Variants in XRCC5 observed in about 807,000 individuals in gnomAD.
XRCC5 encodes the protein X-ray repair cross complementing 5.
XRCC5 carries 12 observed loss-of-function variants against 95.7 expected under a neutral mutation model. The observed-to-expected ratio is 0.13, with a 90% CI of 0.08 to 0.20. The LOEUF is 0.20. Ranked by LOEUF, XRCC5 falls within the 10% of genes least tolerant of loss-of-function variation. The probability of loss-of-function intolerance (pLI) is 1.00; values close to 1 mark genes in which losing one functional copy is unlikely to be tolerated. For synonymous variants in XRCC5, 281 were observed against 290.3 expected, an observed-to-expected ratio of 0.97 and a Z score of 0.33; for missense variants, 595 against 873.9, an observed-to-expected ratio of 0.68 and a Z score of 4.02.
intron 17 of XRCC5, among the ~76,000 whole-genome samples, chr2:216,190,717 T>G (rs1248962271): frequency 6.6e-6 from 1 of 152,174 alleles, no homozygotes; most frequent in Non-Finnish European, 1.5e-5. Context: ...GTATAATTAT[T>G]GAGAAAGATT....
chr2:216,154,964 TAAAA>T (rs964591009), intron 14 of XRCC5, among the ~76,000 whole-genome samples: 13 of 151,338 alleles, frequency 8.6e-5, no homozygotes, highest in Admixed American at 3.3e-4. Context: ...ATGAACTTAT[TAAAA>T]AAAACCATTT....
chr2:216,204,546 C>T (rs1689905836), intron 20 of XRCC5, 150 bp downstream of exon 20: 6 of 752,892 alleles, frequency 8.0e-6, no homozygotes, highest in Non-Finnish European at 1.3e-5. Context: ...TATATATTGC[C>T]ATTATAAATT....
chr2:216,140,639 A>C (rs915067535), intron 12 of XRCC5, among the ~76,000 whole-genome samples: 46 of 152,278 alleles, frequency 3.0e-4, no homozygotes, highest in African/African-American at 1.1e-3. Flanking sequence ...TGGAGGCATT[A>C]AGAGAGGAGA....
Position 216,114,509 on chromosome 2 carries a change from A to G in XRCC5, c.135+1380A>G, listed in dbSNP as rs535286554. Among the ~76,000 whole-genome samples the G allele has an allele frequency of 2.0e-3, 303 of 152,158 alleles. 3 individuals are homozygous for G. The highest frequency in any genetic ancestry group is 3.0e-3 in the Non-Finnish European group (201 of 67,992). On this transcript the variant is annotated intron_variant, in intron 2 of 20. Coordinates refer to ENST00000392132, the MANE Select transcript of XRCC5 (RefSeq NM_021141.4). The stretch of plus-strand genomic sequence containing the variant: ...GAAGGTAAGTAGACATGAGCAGGGC[A>G]GGAGAGAGGGCCCCCGAGAATGTTG...
At chr2:216,150,919 A>G (rs1292708776) in intron 14 of XRCC5, among the ~76,000 whole-genome samples, 3 of 152,058 alleles carry the variant, frequency 2.0e-5, no homozygotes, top group Admixed American at 6.6e-5. Context: ...AGAAAACGTA[A>G]TGCTTTGCGC....
intron 19 of XRCC5, among the ~76,000 whole-genome samples, chr2:216,196,480 A>G (rs1574435749): frequency 6.6e-6 from 1 of 152,346 alleles, no homozygotes; most frequent in South Asian, 2.1e-4. Context: ...CCAGAGAAAC[A>G]GAACCAAGAG....
intron 2 of XRCC5, among the ~76,000 whole-genome samples, chr2:216,113,677 C>T (rs2105998540): frequency 6.6e-6 from 1 of 152,326 alleles, no homozygotes; most frequent in Non-Finnish European, 1.5e-5. Context: ...AAAGGCTCAA[C>T]TGGACCAGAT....
intron 8 of XRCC5, among the ~76,000 whole-genome samples, chr2:216,128,972 A>G (rs759734965): frequency 7.2e-5 from 11 of 152,216 alleles, no homozygotes; most frequent in Non-Finnish European, 1.6e-4. Flanking sequence ...ATTTGGACTG[A>G]GTAATGAAGG....
intron 5 of XRCC5, 120 bp from the exon 6 acceptor site, chr2:216,121,942 T>C: frequency 1.1e-6 from 1 of 876,186 alleles, no homozygotes; most frequent in Non-Finnish European, 1.7e-6. Context: ...TAGGTAAGAG[T>C]CGTTTGACAG....
chr2:216,172,464 C>CTT (rs1689183461), intron 16 of XRCC5, among the ~76,000 whole-genome samples: 3 of 70,340 alleles, frequency 4.3e-5, no homozygotes, highest in Admixed American at 1.1e-4. Flanking sequence ...ATCAGCTTTT[C>CTT]TTTTCTTTTT....
At chr2:216,142,809 T>G (rs1432114996) in intron 13 of XRCC5, among the ~76,000 whole-genome samples, 1 of 152,200 alleles carries the variant, frequency 6.6e-6, no homozygotes, top group African/African-American at 2.4e-5. Context: ...ACTGCCTGTT[T>G]TTTTGATGCT....
chr2:216,162,175 G>GT, intron 16 of XRCC5, 127 bp downstream of exon 16: 1 of 871,520 alleles, frequency 1.1e-6, no homozygotes. Context: ...GATCTTTGTG[G>GT]TTTTCCCTTG....
intron 15 of XRCC5, among the ~76,000 whole-genome samples, chr2:216,161,219 C>G (rs1688945984): frequency 6.6e-6 from 1 of 152,126 alleles, no homozygotes; most frequent in Non-Finnish European, 1.5e-5. Flanking sequence ...TGATCTTGTT[C>G]TGAGAGCTTT....
intron 8 of XRCC5, among the ~76,000 whole-genome samples, chr2:216,128,498 A>G (rs1696930655): frequency 6.6e-6 from 1 of 152,214 alleles, no homozygotes; most frequent in Non-Finnish European, 1.5e-5. Flanking sequence ...GTAGAATATA[A>G]TTAATACCCT....
chr2:216,172,469 C>CTT lies in XRCC5; in HGVS notation c.1834+10437_1834+10438dup, dbSNP rs746493174. On this transcript the variant is annotated intron_variant, in intron 16 of 20. Transcript: ENST00000392132. ...AAACTTTAGCATCAGCTTTTCTTTTCTTTTTTTTTTTTTTTTTGAGACAAA... is the reference window on the plus strand; with the variant it reads ...AAACTTTAGCATCAGCTTTTCTTTTCTTTTTTTTTTTTTTTTTTTGAGACAAA... Among the ~76,000 whole-genome samples, 411 of 107,738 alleles carry CTT rather than the reference C, an allele frequency of 3.8e-3. 12 individuals are homozygous for CTT. Among genetic ancestry groups the CTT allele is most frequent in the Middle Eastern group, 0.012 (2 of 162 alleles). The allele number at this position is 107,738 out of a possible 152,430, so 70.7% of individuals were successfully genotyped here. A position where few individuals can be genotyped will look rare whatever the true frequency, so the allele number is the denominator to read the frequency against.
chr2:216,190,181 A>C (rs763682852), intron 16 of XRCC5, 44 bp from the exon 17 acceptor site: 2 of 1,535,636 alleles, frequency 1.3e-6, no homozygotes, highest in Admixed American at 1.7e-5. Context: ...ACCCTCTCTC[A>C]GGCATCACTC....
At chr2:216,138,269 A>G (rs112412702) in intron 12 of XRCC5, 90 bp downstream of exon 12, 14 of 1,105,090 alleles carry the variant, frequency 1.3e-5, no homozygotes, top group African/African-American at 1.1e-4. Context: ...GGGGCTAGGT[A>G]TTTATAGGGT....
chr2:216,118,959 T>C, intron 4 of XRCC5, 84 bp from the exon 5 acceptor site: 1 of 1,433,856 alleles, frequency 7.0e-7, no homozygotes, highest in South Asian at 1.2e-5. Context: ...TCTAAGCTTC[T>C]CTCCTCAGTG....
rs1491212419 is a variant in XRCC5 at position 216,134,682 on chromosome 2, C to CG, written c.1113+2295_1113+2296insG. 3.6e-3 allele frequency among the ~76,000 whole-genome samples: 522 copies of CG among 144,928 alleles called. 3 individuals carry two copies. Among genetic ancestry groups the CG allele is most frequent in the Non-Finnish European group, 5.2e-3 (348 of 67,094 alleles). ...GACCTCAGGTGATCCACCCCCCCCC[C>CG]TCCTCGGCCTCCCAAAGTGTTGGGA... On this transcript the variant is annotated intron_variant, in intron 10 of 20. Transcript: ENST00000392132.
Sources: gnomAD v4.1 joint callset for allele counts (sites outside exome capture counted in the v4.1 genomes callset) on GRCh38, gnomAD v4.1.1 for gene constraint, MANE v1.5 for transcripts, NCBI Gene and HGNC (gene_info 2026-07-23, HGNC 2026-07-21) for gene names.